Variants in DISC1 observed in about 807,000 individuals in gnomAD.
DISC1 encodes DISC1 scaffold protein.
In DISC1, 57 loss-of-function variants were observed where a neutral mutation model predicts 84.5. The observed-to-expected ratio is 0.67, with a 90% confidence interval of 0.55 to 0.84. DISC1 has a LOEUF of 0.84. DISC1 is among the 40% of genes least tolerant of loss of function. The probability of loss-of-function intolerance (pLI) is 0.00; values close to 1 mark genes in which losing one functional copy is unlikely to be tolerated. For synonymous variants in DISC1, 411 were observed against 415.2 expected (o/e 0.99, Z 0.12); for missense variants, 1,000 against 1,057.8 (o/e 0.95, Z 0.76).
At chr1:231,902,558 G>A (rs1274150076) in intron 9 of DISC1, among the ~76,000 whole-genome samples, 2 of 151,720 alleles carry the variant, frequency 1.3e-5, no homozygotes, top group African/African-American at 2.4e-5. Context: ...CCAAATTCAC[G>A]CCACTGCACT....
At chr1:231,752,121 G>T (rs1467503116) in intron 4 of DISC1, among the ~76,000 whole-genome samples, 1 of 152,192 alleles carries the variant, frequency 6.6e-6, no homozygotes, top group African/African-American at 2.4e-5. Flanking sequence ...GTCTGGGCTG[G>T]CAAAGGCTGC....
intron 9 of DISC1, among the ~76,000 whole-genome samples, chr1:231,828,350 A>G (rs902526524): frequency 2.6e-5 from 4 of 152,158 alleles, no homozygotes; most frequent in African/African-American, 9.7e-5. Context: ...GAATTTGGCA[A>G]GTGTTTGTAT....
chr1:231,738,822 CTAT>C (rs1214603144), intron 3 of DISC1, among the ~76,000 whole-genome samples: 19 of 152,310 alleles, frequency 1.2e-4, no homozygotes, highest in African/African-American at 4.6e-4. Flanking sequence ...TACTTTATTA[CTAT>C]TATTTTGATT....
chr1:231,998,426 A>G (rs1666239805), intron 10 of DISC1, among the ~76,000 whole-genome samples: 1 of 152,200 alleles, frequency 6.6e-6, no homozygotes, highest in Admixed American at 6.5e-5. Context: ...AAAACAGGAT[A>G]GAAAAAAAGG....
intron 9 of DISC1, among the ~76,000 whole-genome samples, chr1:231,921,116 A>G (rs1451101040): frequency 2.0e-5 from 3 of 150,152 alleles, no homozygotes; most frequent in African/African-American, 7.4e-5. Context: ...GGGTTTCACC[A>G]TGTGGGCCAG....
chr1:231,888,363 C>G (rs2086928672), intron 9 of DISC1, among the ~76,000 whole-genome samples: 1 of 151,962 alleles, frequency 6.6e-6, no homozygotes, highest in African/African-American at 2.4e-5. Flanking sequence ...CCAGAGGAGG[C>G]AAGCCAAGTG....
At chr1:231,775,187 G>T (rs542691181) in intron 6 of DISC1, among the ~76,000 whole-genome samples, 1 of 152,302 alleles carries the variant, frequency 6.6e-6, no homozygotes, top group Non-Finnish European at 1.5e-5. Context: ...CAAACTCAGG[G>T]TGCTGTCTGT....
chr1:231,854,575 A>G (rs2084124871), intron 9 of DISC1, among the ~76,000 whole-genome samples: 1 of 152,072 alleles, frequency 6.6e-6, no homozygotes, highest in Non-Finnish European at 1.5e-5. Flanking sequence ...AAATCTTTGC[A>G]AGGCCTCCTC....
At chr1:232,020,406 A>G (rs151260223) in intron 11 of DISC1, among the ~76,000 whole-genome samples, 119 of 152,350 alleles carry the variant, frequency 7.8e-4, no homozygotes, top group African/African-American at 2.9e-3. Context: ...ATGTAAAAGA[A>G]GGAATTGAAC....
At chr1:231,811,450 C>G (rs1476837895) in intron 8 of DISC1, among the ~76,000 whole-genome samples, 1 of 152,214 alleles carries the variant, frequency 6.6e-6, no homozygotes, top group Non-Finnish European at 1.5e-5. Context: ...CTTGAAAGAT[C>G]TGGTGTCACG....
intron 12 of DISC1, 74 bp from the exon 13 acceptor site, chr1:232,036,618 C>T: frequency 7.2e-7 from 1 of 1,380,302 alleles, no homozygotes; most frequent in Non-Finnish European, 9.5e-7. Flanking sequence ...AGCAGGCTCA[C>T]ACGCTCTTCG....
At chr1:231,978,225 C>T (rs571528800) in intron 10 of DISC1, among the ~76,000 whole-genome samples, 3 of 152,242 alleles carry the variant, frequency 2.0e-5, no homozygotes, top group African/African-American at 7.2e-5. Context: ...TCTGTTGTCT[C>T]CCTCCTGTGA....
chr1:231,847,663 C>T lies in DISC1; in HGVS notation c.1981+29146C>T, dbSNP rs115959365. ...TTGTTCACACCTTCAGGGTTTGTTC[C>T]CTCATCCTAAAATGGTTTCTCCTTA... On this transcript the variant is annotated intron_variant, in intron 9 of 12. Transcript: ENST00000439617. 6.8e-3 allele frequency among the ~76,000 whole-genome samples: 1,042 copies of T among 152,210 alleles called. 13 individuals are homozygous for T. The highest frequency in any genetic ancestry group is 0.024 in the African/African-American group (978 of 41,526).
intron 9 of DISC1, among the ~76,000 whole-genome samples, chr1:231,921,235 T>G (rs2089990218): frequency 6.6e-6 from 1 of 152,180 alleles, no homozygotes; most frequent in African/African-American, 2.4e-5. Context: ...TTTCTTTGCT[T>G]GGGCACTGGC....
At chr1:231,927,651 G>A (rs576565340) in intron 9 of DISC1, among the ~76,000 whole-genome samples, 18 of 152,276 alleles carry the variant, frequency 1.2e-4, no homozygotes, top group African/African-American at 4.3e-4. Flanking sequence ...ACCATGCCAA[G>A]TACTTGGAAT....
intron 1 of DISC1, among the ~76,000 whole-genome samples, chr1:231,657,690 T>C (rs2061224771): frequency 6.6e-6 from 1 of 152,252 alleles, no homozygotes; most frequent in Non-Finnish European, 1.5e-5. Context: ...GTTTCAATTT[T>C]CTGCATATGG....
chr1:231,826,088 G>C lies in DISC1; in HGVS notation c.1981+7571G>C, dbSNP rs1327191591. Among the ~76,000 whole-genome samples, 2 of 152,178 alleles carry C rather than the reference G, an allele frequency of 1.3e-5. No individual in the cohort carries two copies. Among genetic ancestry groups the C allele is most frequent in the Non-Finnish European group, 2.9e-5 (2 of 68,020 alleles). Reference sequence around the variant, plus strand: ...TGTTTCTCAAGCACTTGAGAACTAAGCACTGTGCTAAGACTTGACATACTT... The same window carrying C: ...TGTTTCTCAAGCACTTGAGAACTAACCACTGTGCTAAGACTTGACATACTT... On this transcript the variant is annotated intron_variant, in intron 9 of 12. Coordinates refer to ENST00000439617, the MANE Select transcript of DISC1 (RefSeq NM_018662.3). This position sits in a 1 kb window ranked among gnomAD's most constrained non-coding sequence, Gnocchi z 4.2.
Position 232,025,358 on chromosome 1 carries a change from G to C in DISC1, c.2308-1077G>C, listed in dbSNP as rs1026961219. Among the ~76,000 whole-genome samples, 62 of 152,262 alleles carry C rather than the reference G, an allele frequency of 4.1e-4. 1 individual carries two copies. The highest frequency in any genetic ancestry group is 1.4e-3 in the African/African-American group (60 of 41,544). On this transcript the variant is annotated intron_variant, in intron 11 of 12. Transcript: ENST00000439617. ...CAGCTGAACCATGGGCTTTGTGCGA[G>C]GTCCTATGAAGACAGAGTTTAGACT...
chr1:232,026,535 A>G lies in DISC1; in HGVS notation c.2408A>G (p.His803Arg). The G allele has an allele frequency of 6.2e-7, 1 of 1,603,230 alleles. No individual in the cohort carries two copies. The highest frequency in any genetic ancestry group is 1.1e-5 in the South Asian group (1 of 88,712). ...EDQLHTAIHS[H>R]DEDLIQSLRR... ...CAACTTCACACAGCAATCCACAGTC[A>G]TGATGAAGATCTCATTCATATCCTT... The change falls in exon 12 of 13, where the codon CAT becomes CGT. Residue 803 changes from histidine to arginine, a missense_variant. Physicochemically the swap from His to Arg is conservative, Grantham distance 29 (BLOSUM62 0). Transcript: ENST00000439617.
Sources: gnomAD v4.1 joint callset for allele counts (sites outside exome capture counted in the v4.1 genomes callset) on GRCh38, gnomAD v4.1.1 for gene constraint, Gnocchi (gnomAD v3.1) non-coding constraint, MANE v1.5 for transcripts, NCBI Gene and HGNC (gene_info 2026-07-23, HGNC 2026-07-21) for gene names.